The following CPT1A variants were observed in gnomAD, a reference collection of about 807,000 sequenced individuals.
CPT1A encodes the protein carnitine O-palmitoyltransferase 1, liver isoform.
A neutral mutation model predicts 100.8 loss-of-function variants in CPT1A; 64 were observed. The observed-to-expected ratio is 0.63, with a 90% confidence interval of 0.52 to 0.78. The LOEUF is 0.78. Ranked by LOEUF, CPT1A falls within the 30% of genes least tolerant of loss-of-function variation. The probability of loss-of-function intolerance (pLI) is 0.00; values close to 1 mark genes in which losing one functional copy is unlikely to be tolerated. For synonymous variants in CPT1A, 363 were observed against 396.0 expected, an observed-to-expected ratio of 0.92 and a Z score of 0.99; for missense variants, 802 against 1,034.1, an observed-to-expected ratio of 0.78 and a Z score of 3.08.
intron 9 of CPT1A, chr11:68,786,071 T>C (rs1340861616): frequency 2.8e-6 from 2 of 701,890 alleles, no homozygotes; most frequent in Non-Finnish European, 5.2e-6. Flanking sequence ...TGATTAAAAA[T>C]AGGACAAGCT....
intron 9 of CPT1A, among the ~76,000 whole-genome samples, chr11:68,789,704 T>C (rs996724708): frequency 1.3e-5 from 2 of 152,076 alleles, no homozygotes; most frequent in African/African-American, 4.8e-5. Flanking sequence ...TCCCAGGCTT[T>C]GTATTTACAT....
At chr11:68,785,206 C>G (rs1167708937) in intron 9 of CPT1A, among the ~76,000 whole-genome samples, 196 bp from the exon 10 acceptor site, 2 of 152,072 alleles carry the variant, frequency 1.3e-5, no homozygotes, top group African/African-American at 4.8e-5. Context: ...ATCGGAGAGG[C>G]CTGACTTCTG....
At chr11:68,826,832 G>A (rs928577211) in intron 1 of CPT1A, among the ~76,000 whole-genome samples, 5 of 152,052 alleles carry the variant, frequency 3.3e-5, no homozygotes, top group African/African-American at 1.2e-4. Context: ...TCGGGTCTGC[G>A]GCCTCACCAC....
At chr11:68,805,020 AC>A (rs776731105) in intron 4 of CPT1A, among the ~76,000 whole-genome samples, 4 of 152,196 alleles carry the variant, frequency 2.6e-5, no homozygotes, top group Non-Finnish European at 5.9e-5. Flanking sequence ...TCAGCTGTGA[AC>A]CCACTGGAGG....
intron 1 of CPT1A, among the ~76,000 whole-genome samples, chr11:68,834,830 T>C (rs1856968547): frequency 6.6e-6 from 1 of 151,762 alleles, no homozygotes. Flanking sequence ...TGAAACCCTG[T>C]CTCTACTAAC....
At chr11:68,781,199 T>G (rs1448049977) in intron 11 of CPT1A, among the ~76,000 whole-genome samples, 1 of 152,166 alleles carries the variant, frequency 6.6e-6, no homozygotes, top group Non-Finnish European at 1.5e-5. Context: ...CCTGCCTGAG[T>G]CCAGGGACCT....
intron 1 of CPT1A, among the ~76,000 whole-genome samples, chr11:68,836,379 A>T (rs1208708463): frequency 6.6e-6 from 1 of 152,110 alleles, no homozygotes; most frequent in Non-Finnish European, 1.5e-5. Context: ...TAAGAGGCTG[A>T]AGAAGGAGGA....
chr11:68,760,267 C>T lies in CPT1A; in HGVS notation c.2100G>A (p.Glu700=), dbSNP rs188173541. Residue 700 remains glutamate (E), a synonymous_variant, in exon 17 of 19, where the codon GAG becomes GAA. Coordinates refer to ENST00000265641, the MANE Select transcript of CPT1A (RefSeq NM_001876.4). ...PQQQVELFDL[E]NNPEYVSSGG... is the part of the protein sequence containing the mutation. Reference sequence around the variant, plus strand: ...CGCTGGACACGTACTCTGGGTTATTCTCCAAGTCAAACAGCTCCACTTGCT... The same window carrying T: ...CGCTGGACACGTACTCTGGGTTATTTTCCAAGTCAAACAGCTCCACTTGCT... 341 of 1,612,686 alleles carry T rather than the reference C, an allele frequency of 2.1e-4. No homozygotes were observed. Among genetic ancestry groups the T allele is most frequent in the Non-Finnish European group, 3.4e-6 (4 of 1,179,710 alleles).
In CPT1A at chr11:68,756,616, C is replaced by T. The variant is rs952611924; in HGVS notation, c.*1028G>A. The T allele has an allele frequency of 2.0e-5, 3 of 152,372 alleles. No homozygotes were observed. The highest frequency in any genetic ancestry group is 2.9e-5 in the Non-Finnish European group (2 of 68,146). The allele number at this position is 152,372 out of a possible 1,614,324, so 9.4% of individuals were successfully genotyped here. On this transcript the variant is annotated 3_prime_UTR_variant, in exon 19 of 19. Coordinates refer to ENST00000265641, the MANE Select transcript of CPT1A (RefSeq NM_001876.4). ...CTCCCCTTCCTCACTTGCTAGTCCC[C>T]GCTTGGTGGCCGATGCCCTGCCCTC...
intron 10 of CPT1A, among the ~76,000 whole-genome samples, chr11:68,782,221 C>G (rs184218682): frequency 2.6e-5 from 4 of 152,128 alleles, no homozygotes; most frequent in African/African-American, 7.2e-5. Flanking sequence ...AGGCTGGCCC[C>G]GTGGGCAAAG....
intron 10 of CPT1A, 95 bp downstream of exon 10, chr11:68,784,720 C>A (rs941890676): frequency 4.0e-6 from 5 of 1,255,198 alleles, no homozygotes; most frequent in Middle Eastern, 5.3e-4. Context: ...GAGTCCCGTG[C>A]CAGGATTCCC....
chr11:68,785,129 C>A (rs1003700689), intron 9 of CPT1A, 119 bp from the exon 10 acceptor site: 2 of 825,814 alleles, frequency 2.4e-6, no homozygotes, highest in Non-Finnish European at 4.0e-6. Flanking sequence ...TCTCTCCAGG[C>A]AGCCTCAGGA....
At chr11:68,802,761 G>A (rs1480840267) in intron 5 of CPT1A, among the ~76,000 whole-genome samples, 2 of 151,280 alleles carry the variant, frequency 1.3e-5, no homozygotes, top group African/African-American at 2.4e-5. Context: ...GCCATATGTA[G>A]TGGCATGCAC....
chr11:68,771,770 G>A (rs938561870), intron 14 of CPT1A, among the ~76,000 whole-genome samples: 18 of 152,228 alleles, frequency 1.2e-4, no homozygotes, highest in Admixed American at 1.2e-3. Context: ...GGTGGAGAGA[G>A]CATAGACTCT....
chr11:68,819,431 G>T (rs541896692), intron 1 of CPT1A, among the ~76,000 whole-genome samples: 1 of 152,318 alleles, frequency 6.6e-6, no homozygotes, highest in Admixed American at 6.5e-5. Context: ...CAGTAACCAT[G>T]AGGAAGGCAT....
intron 7 of CPT1A, among the ~76,000 whole-genome samples, chr11:68,795,285 C>A (rs1855725699): frequency 6.6e-6 from 1 of 152,188 alleles, no homozygotes; most frequent in Admixed American, 6.5e-5. Context: ...GCTGTGCCTG[C>A]AGCTTTCTAA....
At chr11:68,808,620 C>T (rs573697002) in intron 3 of CPT1A, among the ~76,000 whole-genome samples, 20 of 151,956 alleles carry the variant, frequency 1.3e-4, no homozygotes, top group Admixed American at 9.2e-4. Context: ...CCACCCGCCT[C>T]GGCCTCCCAA....
intron 1 of CPT1A, among the ~76,000 whole-genome samples, chr11:68,825,230 G>C (rs1856693482): frequency 6.6e-6 from 1 of 152,100 alleles, no homozygotes; most frequent in African/African-American, 2.4e-5. Flanking sequence ...TCTCTTCTAC[G>C]CACATTTGAG....
At chr11:68,812,192 G>T (rs990981425) in intron 3 of CPT1A, among the ~76,000 whole-genome samples, 10 of 152,178 alleles carry the variant, frequency 6.6e-5, no homozygotes, top group African/African-American at 2.4e-4. Flanking sequence ...ACCTTCCAAG[G>T]GGTGCCCCAG....
Sources: gnomAD v4.1 joint callset for allele counts (sites outside exome capture counted in the v4.1 genomes callset) on GRCh38, gnomAD v4.1.1 for gene constraint, MANE v1.5 for transcripts, NCBI Gene and HGNC (gene_info 2026-07-23, HGNC 2026-07-21) for gene names.